EDNRB: variants seen among roughly 807,000 people sequenced by gnomAD.
The protein encoded by EDNRB is endothelin receptor type B.
EDNRB carries 18 observed loss-of-function variants against 46.4 expected under a neutral mutation model. The observed-to-expected ratio is 0.39, with a 90% CI of 0.27 to 0.57. The LOEUF (loss-of-function observed/expected upper bound fraction) is 0.57. EDNRB is among the 20% of genes least tolerant of loss of function. The probability of loss-of-function intolerance (pLI) is 0.61; values close to 1 mark genes in which losing one functional copy is unlikely to be tolerated. For missense variants in EDNRB, 434 were observed against 537.5 expected (o/e 0.81, Z 1.90); for synonymous variants, 213 against 204.9 (o/e 1.04, Z -0.34).
chr13:77,904,118 G>A (rs978206396), intron 1 of EDNRB, among the ~76,000 whole-genome samples: 3 of 151,940 alleles, frequency 2.0e-5, no homozygotes, highest in Admixed American at 6.6e-5. Flanking sequence ...TTCAGTAGGA[G>A]TAGCTACACA....
chr13:77,967,331 G>A (rs923302513), intron 1 of EDNRB, among the ~76,000 whole-genome samples: 10 of 152,068 alleles, frequency 6.6e-5, no homozygotes, highest in African/African-American at 2.2e-4. Flanking sequence ...CTCAATGTTG[G>A]CCAATGAGAT....
chr13:77,896,877 C>T lies in EDNRB; in HGVS notation c.*1323G>A. 2 of 1,020,944 alleles carry T rather than the reference C, an allele frequency of 2.0e-6. No homozygotes were observed. The highest frequency in any genetic ancestry group is 2.3e-6 in the Non-Finnish European group (2 of 853,872). 63.2% of individuals were successfully genotyped at this position (1,020,944 alleles called of 1,614,324 possible). A position where few individuals can be genotyped will look rare whatever the true frequency, so the allele number is the denominator to read the frequency against. Reference sequence around the variant, plus strand: ...AAGATATAAAAATTAGGCAGGAACGCACAAAGCTAAGAGGTTCTTACGGTC... The same window carrying T: ...AAGATATAAAAATTAGGCAGGAACGTACAAAGCTAAGAGGTTCTTACGGTC... On this transcript the variant is annotated 3_prime_UTR_variant, in exon 7 of 7. Transcript: ENST00000646607.
At position 77,896,538 on chromosome 13, in the gene EDNRB, A is replaced by G. The variant is rs202174312; in HGVS notation, c.*1662T>C. 3.0e-4 allele frequency: 475 copies of G among 1,566,990 alleles called. No homozygotes were observed. Among genetic ancestry groups the G allele is most frequent in the Middle Eastern group, 4.5e-4 (2 of 4,434 alleles). ...TGACAGAAAACAACATTACTAGCTT[A>G]TTTCCAACATGTGGCCCAGCCTATT... On this transcript the variant is annotated 3_prime_UTR_variant, in exon 7 of 7. Coordinates refer to ENST00000646607, the MANE Select transcript of EDNRB (RefSeq NM_001122659.3).
At chr13:77,962,761 G>T (rs1333627956) in intron 1 of EDNRB, among the ~76,000 whole-genome samples, 2 of 152,170 alleles carry the variant, frequency 1.3e-5, no homozygotes, top group African/African-American at 2.4e-5. Flanking sequence ...AGTGTTGGAA[G>T]TTCTGGCCAG....
intron 1 of EDNRB, among the ~76,000 whole-genome samples, chr13:77,926,206 C>G (rs1299675900): frequency 6.6e-6 from 1 of 152,146 alleles, no homozygotes; most frequent in Non-Finnish European, 1.5e-5. Flanking sequence ...AGGATCCTTG[C>G]TACTTATGTC....
chr13:77,915,843 A>G (rs942238955), intron 1 of EDNRB, among the ~76,000 whole-genome samples: 1 of 152,262 alleles, frequency 6.6e-6, no homozygotes, highest in African/African-American at 2.4e-5. Context: ...TTATTTCAGA[A>G]GTAAAAACAC....
rs116385576 is a variant in EDNRB at position 77,912,526 on chromosome 13, T to A, written c.483+5565A>T. 4.9e-3 allele frequency among the ~76,000 whole-genome samples: 748 copies of A among 152,162 alleles called. 6 individuals carry two copies. Among genetic ancestry groups the A allele is most frequent in the African/African-American group, 0.017 (706 of 41,544 alleles). On this transcript the variant is annotated intron_variant, in intron 1 of 6. Transcript: ENST00000646607. ...TTTCTTTTTCTTTTTCATTTGGACATCAGTAAAAATATGAGTGGAAAAAGC... is the reference window on the plus strand; with the variant it reads ...TTTCTTTTTCTTTTTCATTTGGACAACAGTAAAAATATGAGTGGAAAAAGC...
chr13:77,971,583 GT>G (rs34484665), intron 1 of EDNRB, among the ~76,000 whole-genome samples: 37,783 of 137,374 alleles, frequency 0.28, 5,741 homozygotes, highest in East Asian at 0.57. Flanking sequence ...GCCAACATGA[GT>G]TTTTTTTTTT....
At chr13:77,968,082 T>C (rs1881630556) in intron 1 of EDNRB, among the ~76,000 whole-genome samples, 1 of 152,166 alleles carries the variant, frequency 6.6e-6, no homozygotes, top group African/African-American at 2.4e-5. Context: ...ATCAGTAATA[T>C]TACACCATAT....
chr13:77,920,133 G>C (rs980592275), upstream of EDNRB, among the ~76,000 whole-genome samples: 1 of 152,104 alleles, frequency 6.6e-6, no homozygotes, highest in African/African-American at 2.4e-5. Flanking sequence ...TCCTGCCACA[G>C]TATCGGTGTT....
intron 1 of EDNRB, among the ~76,000 whole-genome samples, chr13:77,926,600 C>G (rs1455649814): frequency 6.6e-6 from 1 of 152,170 alleles, no homozygotes; most frequent in Non-Finnish European, 1.5e-5. Context: ...TTTGTCAAAG[C>G]CATTCGACAA....
chr13:77,950,328 G>A (rs1256045668), intron 1 of EDNRB, among the ~76,000 whole-genome samples: 2 of 152,180 alleles, frequency 1.3e-5, no homozygotes, highest in African/African-American at 4.8e-5. Context: ...TTGATAGGAG[G>A]CTCCACTACA....
At chr13:77,903,125 C>A (rs748047611) in intron 3 of EDNRB, 31 bp downstream of exon 3, 2 of 1,608,610 alleles carry the variant, frequency 1.2e-6, no homozygotes, top group South Asian at 2.2e-5. Flanking sequence ...AAGGCAAGAG[C>A]AGAAAGGAAA....
intron 1 of EDNRB, chr13:77,940,045 A>T (rs943486480): frequency 9.2e-5 from 14 of 152,072 alleles, no homozygotes; most frequent in Middle Eastern, 3.4e-3. Context: ...AAAAATTCTT[A>T]TGTACAGACC....
At chr13:77,917,045 C>G (rs1037667103) in intron 1 of EDNRB, among the ~76,000 whole-genome samples, 1 of 152,034 alleles carries the variant, frequency 6.6e-6, no homozygotes, top group South Asian at 2.1e-4. Context: ...CAACCTGGCT[C>G]TTTGTGTGTT....
At position 77,929,342 on chromosome 13, in the gene EDNRB, T is replaced by C. The variant is rs147485015; in HGVS notation, c.-51-10718A>G. ...ATAAATGTATAAGGTCTGGTCATGG[T>C]AGATGCACCTATCCATCTATACATA... On this transcript the variant is annotated intron_variant, in intron 1 of 7. Coordinates refer to the EDNRB transcript ENST00000646948. 3.1e-4 allele frequency among the ~76,000 whole-genome samples: 47 copies of C among 152,350 alleles called. No individual in the cohort carries two copies. The East Asian group carries it at 8.9e-3, about 29-fold the overall frequency.
At chr13:77,963,778 A>T (rs1392470469) in intron 1 of EDNRB, among the ~76,000 whole-genome samples, 3 of 152,246 alleles carry the variant, frequency 2.0e-5, no homozygotes, top group Non-Finnish European at 4.4e-5. Context: ...ATGGGATCTA[A>T]TTAAACTAAA....
intron 1 of EDNRB, among the ~76,000 whole-genome samples, chr13:77,930,158 G>C (rs1880352683): frequency 6.6e-6 from 1 of 152,166 alleles, no homozygotes; most frequent in Admixed American, 6.5e-5. Context: ...GGGCAGGACT[G>C]ACTGCCTCAG....
rs200968422 is a variant in EDNRB at position 77,898,046 on chromosome 13, T to A, written c.*154A>T. ...CGTAAACAGCTCATAAAATGTCATA[T>A]GTAGCTGTGAGTGTTAAAATAATTA... On this transcript the variant is annotated 3_prime_UTR_variant, in exon 7 of 7. Coordinates refer to ENST00000646607, the MANE Select transcript of EDNRB (RefSeq NM_001122659.3). The A allele has an allele frequency of 6.2e-6, 9 of 1,447,210 alleles. No individual in the cohort carries two copies. In the African/African-American group the frequency reaches 1.1e-4, roughly 18 times the overall value. 89.6% of individuals were successfully genotyped at this position (1,447,210 alleles called of 1,614,324 possible). A position where few individuals can be genotyped will look rare whatever the true frequency, so the allele number is the denominator to read the frequency against.
Sources: gnomAD v4.1 joint callset for allele counts (sites outside exome capture counted in the v4.1 genomes callset) on GRCh38, gnomAD v4.1.1 for gene constraint, MANE v1.5 for transcripts, NCBI Gene and HGNC (gene_info 2026-07-23, HGNC 2026-07-21) for gene names.